Variants in STXBP5L observed in about 807,000 individuals in gnomAD.
The protein encoded by STXBP5L is syntaxin-binding protein 5-like.
Under a neutral mutation model 144.5 loss-of-function variants are expected in STXBP5L, and 65 were observed. That is an observed-to-expected ratio of 0.45 (90% CI 0.37 to 0.55). The LOEUF (loss-of-function observed/expected upper bound fraction) is 0.55, where lower values mean the gene tolerates loss of function less well. Ranked by LOEUF, STXBP5L falls within the 20% of genes least tolerant of loss-of-function variation. The pLI, the probability that STXBP5L is intolerant of heterozygous loss-of-function variation, is 0.00. For missense variants in STXBP5L, 1,298 were observed against 1,405.5 expected (o/e 0.92, Z 1.22); for synonymous variants, 505 against 469.6 (o/e 1.08, Z -0.97).
intron 20 of STXBP5L, among the ~76,000 whole-genome samples, chr3:121,336,402 T>C (rs2044506493): frequency 6.6e-6 from 1 of 151,990 alleles, no homozygotes; most frequent in African/African-American, 2.4e-5. Flanking sequence ...GAGGCTGAGA[T>C]GGAAGGATCA....
chr3:121,075,501 G>A (rs574344182), intron 5 of STXBP5L, among the ~76,000 whole-genome samples: 1 of 152,198 alleles, frequency 6.6e-6, no homozygotes, highest in Non-Finnish European at 1.5e-5. Context: ...TATAAGCTTG[G>A]TAATATGCCT....
chr3:121,013,500 A>G (rs940601627), intron 3 of STXBP5L, among the ~76,000 whole-genome samples: 2 of 152,012 alleles, frequency 1.3e-5, no homozygotes, highest in African/African-American at 4.8e-5. Flanking sequence ...TTCTTTGGAT[A>G]AGTGTCTGTT....
At chr3:121,031,214 C>A (rs1174491932) in intron 3 of STXBP5L, among the ~76,000 whole-genome samples, 1 of 152,010 alleles carries the variant, frequency 6.6e-6, no homozygotes, top group Non-Finnish European at 1.5e-5. Flanking sequence ...ATGAGATTTT[C>A]ATTGTAGAAA....
intron 9 of STXBP5L, among the ~76,000 whole-genome samples, chr3:121,177,314 A>C (rs1390187664): frequency 6.6e-6 from 1 of 152,172 alleles, no homozygotes; most frequent in Non-Finnish European, 1.5e-5. Flanking sequence ...AACAATATGA[A>C]AAGACAACTC....
At chr3:121,221,206 T>C (rs1359808401) in intron 10 of STXBP5L, among the ~76,000 whole-genome samples, 1 of 151,954 alleles carries the variant, frequency 6.6e-6, no homozygotes, top group East Asian at 1.9e-4. Context: ...CTCAGTAGTT[T>C]ATAGAGAAAT....
chr3:121,279,766 G>A (rs1243374751), intron 18 of STXBP5L, 39 bp from the exon 19 acceptor site: 2 of 1,602,436 alleles, frequency 1.2e-6, no homozygotes, highest in Admixed American at 1.7e-5. Flanking sequence ...AATCATGCTT[G>A]TTGTGATACA....
intron 2 of STXBP5L, among the ~76,000 whole-genome samples, chr3:120,923,813 G>C (rs1709474165): frequency 6.6e-6 from 1 of 152,106 alleles, no homozygotes; most frequent in African/African-American, 2.4e-5. Context: ...GTATTCTGCA[G>C]CAGTTGGGTG....
chr3:121,160,772 C>A (rs747195019), intron 9 of STXBP5L, among the ~76,000 whole-genome samples: 1 of 151,954 alleles, frequency 6.6e-6, no homozygotes, highest in African/African-American at 2.4e-5. Context: ...TCCCTCTTTC[C>A]TCTTTTTGCC....
intron 19 of STXBP5L, among the ~76,000 whole-genome samples, chr3:121,288,181 A>G (rs1022768890): frequency 6.6e-6 from 1 of 152,186 alleles, no homozygotes; most frequent in Non-Finnish European, 1.5e-5. Context: ...ATTCTTTTTT[A>G]TGGCTGTGTA....
chr3:121,235,863 A>G (rs2049464176), intron 12 of STXBP5L, among the ~76,000 whole-genome samples: 1 of 151,014 alleles, frequency 6.6e-6, no homozygotes, highest in East Asian at 1.9e-4. Context: ...ACACACACAC[A>G]CTATATTCTC....
At chr3:121,370,007 A>G (rs1324112569) in intron 20 of STXBP5L, among the ~76,000 whole-genome samples, 5 of 152,164 alleles carry the variant, frequency 3.3e-5, no homozygotes, top group Non-Finnish European at 5.9e-5. Context: ...CAGTGATTGA[A>G]TAATGGGGGT....
At chr3:120,921,930 T>A (rs1430187363) in intron 2 of STXBP5L, among the ~76,000 whole-genome samples, 1 of 152,030 alleles carries the variant, frequency 6.6e-6, no homozygotes, top group African/African-American at 2.4e-5. Flanking sequence ...TTGCTCAGGG[T>A]TTCTTTGGCT....
chr3:120,990,230 C>T (rs891738414), intron 3 of STXBP5L, among the ~76,000 whole-genome samples: 52 of 151,644 alleles, frequency 3.4e-4, no homozygotes, highest in Non-Finnish European at 2.2e-4. Flanking sequence ...AGAATAAAAT[C>T]CTAGGAATCC....
chr3:121,007,253 A>G (rs1168843142), intron 3 of STXBP5L, among the ~76,000 whole-genome samples: 1 of 152,040 alleles, frequency 6.6e-6, no homozygotes, highest in African/African-American at 2.4e-5. Context: ...ATTATGATAC[A>G]TTATCTATCT....
intron 20 of STXBP5L, among the ~76,000 whole-genome samples, chr3:121,328,445 G>A (rs983756265): frequency 6.6e-6 from 1 of 152,106 alleles, no homozygotes; most frequent in Non-Finnish European, 1.5e-5. Context: ...GCTCATTTGT[G>A]TTCTTAAAAA....
intron 2 of STXBP5L, among the ~76,000 whole-genome samples, chr3:120,952,841 C>G (rs558009122): frequency 1.3e-5 from 2 of 152,144 alleles, no homozygotes; most frequent in African/African-American, 4.8e-5. Flanking sequence ...CCCTGTCACC[C>G]AGGCTGGAGT....
intron 20 of STXBP5L, among the ~76,000 whole-genome samples, chr3:121,333,577 A>G (rs562285201): frequency 1.8e-4 from 28 of 152,002 alleles, no homozygotes; most frequent in Admixed American, 6.6e-4. Flanking sequence ...CATTCAAAAG[A>G]TCAATGAAAT....
At chr3:121,002,216 A>G (rs1010671163) in intron 3 of STXBP5L, among the ~76,000 whole-genome samples, 2 of 152,218 alleles carry the variant, frequency 1.3e-5, no homozygotes, top group Admixed American at 1.3e-4. Context: ...ATCAACACTT[A>G]TCTTTCTTCT....
At chr3:121,239,154 T>G (rs764224270) in intron 13 of STXBP5L, 36 bp downstream of exon 13, 4 of 1,228,802 alleles carry the variant, frequency 3.3e-6, no homozygotes, top group Non-Finnish European at 4.5e-6. Flanking sequence ...TTTTTTGTAT[T>G]CATATCACAT....
Sources: allele counts gnomAD v4.1 joint callset (sites outside exome capture counted in the v4.1 genomes callset), GRCh38; gene constraint gnomAD v4.1.1; transcripts MANE v1.5; gene names NCBI Gene and HGNC (gene_info 2026-07-23, HGNC 2026-07-21).